Variants in PDE1C observed in about 807,000 individuals in gnomAD.
The protein encoded by PDE1C is phosphodiesterase 1C, also known as dual specificity calcium/calmodulin-dependent 3',5'-cyclic nucleotide phosphodiesterase 1C.
A neutral mutation model predicts 93.1 loss-of-function variants in PDE1C; 62 were observed. The observed-to-expected ratio is 0.67, with a 90% CI of 0.54 to 0.82. The LOEUF (loss-of-function observed/expected upper bound fraction) is 0.82, where lower values mean the gene tolerates loss of function less well. PDE1C is among the 40% of genes least tolerant of loss of function. The probability of loss-of-function intolerance (pLI) is 0.00; values close to 1 mark genes in which losing one functional copy is unlikely to be tolerated. For synonymous variants in PDE1C, 325 were observed against 310.1 expected (o/e 1.05, Z -0.50); for missense variants, 742 against 884.6 (o/e 0.84, Z 2.04).
intron 1 of PDE1C, among the ~76,000 whole-genome samples, chr7:32,312,647 A>G (rs546620530): frequency 3.3e-5 from 5 of 152,250 alleles, no homozygotes; most frequent in Non-Finnish European, 5.9e-5. Context: ...AAAACAAGAA[A>G]TGGGGAAAGG....
intron 2 of PDE1C, among the ~76,000 whole-genome samples, chr7:32,008,416 T>C (rs768616050): frequency 3.9e-5 from 6 of 152,162 alleles, no homozygotes; most frequent in Non-Finnish European, 8.8e-5. Flanking sequence ...ATGTCTTCCT[T>C]GGGTAGACAA....
chr7:32,384,019 T>A (rs1012628538), intron 1 of PDE1C, among the ~76,000 whole-genome samples: 24 of 152,220 alleles, frequency 1.6e-4, no homozygotes, highest in Non-Finnish European at 3.4e-4. Flanking sequence ...AAGGTTTATT[T>A]GTTACTCACC....
At chr7:32,002,095 C>A (rs529670166) in intron 2 of PDE1C, among the ~76,000 whole-genome samples, 1 of 152,068 alleles carries the variant, frequency 6.6e-6, no homozygotes, top group Admixed American at 6.6e-5. Flanking sequence ...TGACTTAGTG[C>A]TGAAGACTAA....
At chr7:31,769,828 C>A (rs1795369455) in intron 17 of PDE1C, among the ~76,000 whole-genome samples, 1 of 152,170 alleles carries the variant, frequency 6.6e-6, no homozygotes, top group Non-Finnish European at 1.5e-5. Flanking sequence ...TTAGCCCATT[C>A]TGGGTATTTT....
At chr7:31,795,154 T>C (rs550490462) in intron 16 of PDE1C, among the ~76,000 whole-genome samples, 1 of 152,072 alleles carries the variant, frequency 6.6e-6, no homozygotes, top group East Asian at 1.9e-4. Context: ...TAATAGCTTT[T>C]TTAGCATGTG....
chr7:31,891,815 C>G (rs1472212062), intron 2 of PDE1C, among the ~76,000 whole-genome samples: 4 of 151,450 alleles, frequency 2.6e-5, no homozygotes, highest in Non-Finnish European at 5.9e-5. Flanking sequence ...TACACACACA[C>G]ACACACACAC....
intron 1 of PDE1C, among the ~76,000 whole-genome samples, chr7:32,235,138 GC>G (rs1293011895): frequency 6.6e-6 from 1 of 151,968 alleles, no homozygotes; most frequent in African/African-American, 2.4e-5. Flanking sequence ...AAAACCTACA[GC>G]TAAAATCATA....
chr7:32,380,225 TC>T lies in PDE1C; in HGVS notation c.310+47596del, dbSNP rs1181615769. On this transcript the variant is annotated intron_variant, in intron 1 of 1. Coordinates refer to the PDE1C transcript ENST00000672256. The stretch of plus-strand genomic sequence containing the variant: ...TTGTCCTCCACTTCCATCCTCTCTC[TC>T]TCTCTCTTTTTTTTTTATTTATTTT... Among the ~76,000 whole-genome samples, 9 of 151,800 alleles carry T rather than the reference TC, an allele frequency of 5.9e-5. No individual in the cohort carries two copies. The East Asian group carries it at 1.7e-3, about 29-fold the overall frequency.
chr7:32,379,301 A>G (rs1784489991), intron 1 of PDE1C, among the ~76,000 whole-genome samples: 1 of 152,224 alleles, frequency 6.6e-6, no homozygotes, highest in South Asian at 2.1e-4. Context: ...GCCAGTTTGC[A>G]AGGTTATAAA....
chr7:32,357,164 C>T (rs2128084216), intron 1 of PDE1C, among the ~76,000 whole-genome samples: 1 of 152,160 alleles, frequency 6.6e-6, no homozygotes, highest in East Asian at 1.9e-4. Flanking sequence ...AACCCCGTCT[C>T]TAATAAAAAT....
chr7:32,048,774 A>T (rs1370968686), intron 2 of PDE1C, among the ~76,000 whole-genome samples: 1 of 152,190 alleles, frequency 6.6e-6, no homozygotes, highest in East Asian at 1.9e-4. Context: ...GATCTACTTC[A>T]TATAAAAAAT....
intron 10 of PDE1C, 149 bp from the exon 11 acceptor site, chr7:31,837,449 C>T (rs1791262957): frequency 1.5e-6 from 1 of 689,340 alleles, no homozygotes; most frequent in Non-Finnish European, 2.2e-6. Context: ...ATCATTTCAT[C>T]CTACAACTGG....
At chr7:32,342,987 C>T (rs543131189) in intron 1 of PDE1C, among the ~76,000 whole-genome samples, 1 of 152,216 alleles carries the variant, frequency 6.6e-6, no homozygotes, top group African/African-American at 2.4e-5. Context: ...AGATTTTACC[C>T]AAGCTCAGTT....
At chr7:32,128,411 A>T (rs909622572) in intron 3 of PDE1C, among the ~76,000 whole-genome samples, 1 of 151,942 alleles carries the variant, frequency 6.6e-6, no homozygotes, top group African/African-American at 2.4e-5. Context: ...AAAAACATAC[A>T]ATGGGGAGAT....
At chr7:32,263,590 C>A (rs1048747004) in intron 1 of PDE1C, among the ~76,000 whole-genome samples, 3 of 152,172 alleles carry the variant, frequency 2.0e-5, no homozygotes, top group Non-Finnish European at 2.9e-5. Flanking sequence ...GTCAACTGAT[C>A]TAATAATGTC....
chr7:31,894,732 A>T (rs1799061094), intron 2 of PDE1C, among the ~76,000 whole-genome samples: 1 of 152,122 alleles, frequency 6.6e-6, no homozygotes, highest in African/African-American at 2.4e-5. Flanking sequence ...TAGTGCAGAG[A>T]TTTTTACCAC....
In PDE1C at chr7:32,167,961, G is replaced by C. The variant is rs369127587; in HGVS notation, c.308+1824C>G. ...TTTATGCACAACAAATCTCACAGCT[G>C]ATCATGCCACCACAGTTAAGGACAA... On this transcript the variant is annotated intron_variant, in intron 3 of 18. Coordinates refer to the PDE1C transcript ENST00000396193. Among the ~76,000 whole-genome samples the C allele has an allele frequency of 6.9e-4, 105 of 152,228 alleles. 6 individuals carry two copies. The South Asian group carries it at 0.021, about 30-fold the overall frequency.
At chr7:31,635,423 C>T in the PDE1C span, among the ~76,000 whole-genome samples, 1 of 152,182 alleles carries the variant, frequency 6.6e-6, no homozygotes, top group Non-Finnish European at 1.5e-5. Flanking sequence ...GCCTCTACAC[C>T]TGAGAGAACT....
intron 16 of PDE1C, chr7:31,784,144 G>A (rs1355991936): frequency 6.6e-6 from 1 of 152,186 alleles, no homozygotes; most frequent in Admixed American, 6.5e-5. Context: ...AACATCTAAA[G>A]CTGAGGAGAT....
Sources: gnomAD v4.1 joint callset for allele counts (sites outside exome capture counted in the v4.1 genomes callset) on GRCh38, gnomAD v4.1.1 for gene constraint, MANE v1.5 for transcripts, NCBI Gene and HGNC (gene_info 2026-07-23, HGNC 2026-07-21) for gene names.